Variants in CWC22 observed in about 807,000 individuals in gnomAD.
The protein encoded by CWC22 is CWC22 spliceosome associated protein.
A neutral mutation model predicts 117.2 loss-of-function variants in CWC22; 53 were observed. The ratio of observed to expected loss-of-function variants is 0.45; its 90% CI spans 0.36 to 0.57. The LOEUF is 0.57. Among genes scored for constraint, CWC22 ranks in the 20% least tolerant of loss-of-function variants. CWC22 has a pLI of 0.00. For missense variants in CWC22, 980 were observed against 1,068.8 expected (o/e 0.92, Z 1.16); for synonymous variants, 360 against 355.6 (o/e 1.01, Z -0.14).
chr2:179,952,525 TG>T lies in CWC22; in HGVS notation c.1762del (p.Gln588ArgfsTer16). On this transcript the variant is annotated frameshift_variant, in exon 17 of 20. Transcript: ENST00000410053. LOFTEE classifies it high-confidence loss of function. ...AAGACCCATGTATTCACACAGTTCC[TG>T]GAAAAATATTTTGACAAAAATTCTA... ...SSRIFVKIFF[Q>X]ELCEYMGLPK... 6.4e-7 allele frequency: 1 copy of T among 1,561,756 alleles called. No homozygotes were observed. Among genetic ancestry groups the T allele is most frequent in the Non-Finnish European group, 8.7e-7 (1 of 1,150,880 alleles).
chr2:179,958,106 A>G (rs4893885), intron 14 of CWC22, among the ~76,000 whole-genome samples: 151,414 of 152,050 alleles, frequency 1, 75,393 homozygotes, highest in Middle Eastern at 1. Flanking sequence ...CGAGGCAGGC[A>G]GATCACCTGA....
At chr2:179,999,372 CCTGTT>C (rs1368302541) in intron 1 of CWC22, among the ~76,000 whole-genome samples, 1 of 152,102 alleles carries the variant, frequency 6.6e-6, no homozygotes, top group Admixed American at 6.5e-5. Flanking sequence ...CAAAACCACA[CCTGTT>C]CTCCCGAAGA....
intron 5 of CWC22, 40 bp from the exon 6 acceptor site, chr2:179,978,358 A>T (rs1687203112): frequency 7.1e-7 from 1 of 1,413,188 alleles, no homozygotes; most frequent in Admixed American, 3.4e-5. Context: ...AAACTTAATT[A>T]CAATAATAAG....
intron 8 of CWC22, 44 bp from the exon 9 acceptor site, chr2:179,971,120 C>T (rs1001343669): frequency 7.8e-7 from 1 of 1,274,750 alleles, no homozygotes; most frequent in Admixed American, 3.0e-5. Context: ...AATGCTTTTA[C>T]ATACATTAAA....
chr2:180,005,427 A>G (rs1425368639), intron 1 of CWC22, among the ~76,000 whole-genome samples: 1 of 152,182 alleles, frequency 6.6e-6, no homozygotes, highest in African/African-American at 2.4e-5. Flanking sequence ...AATACAAAAA[A>G]TTAGCCAGGC....
intron 19 of CWC22, among the ~76,000 whole-genome samples, chr2:179,946,084 T>C (rs1369386695): frequency 2.0e-5 from 3 of 152,134 alleles, no homozygotes; most frequent in African/African-American, 7.2e-5. Context: ...GGTTTCTCCC[T>C]GTTGGTCAGG....
chr2:179,950,896 TA>T lies in CWC22; in HGVS notation c.1847del (p.Leu616TyrfsTer19). 6.3e-7 allele frequency: 1 copy of T among 1,579,068 alleles called. No individual in the cohort carries two copies. The highest frequency in any genetic ancestry group is 1.8e-5 in the Admixed American group (1 of 55,050). ...ETLQPFFEGL[L>X]PRDNPRNTRF... ...GAGTGTTTCTTGGATTATCTCGGGG[TA>T]ATAATCCTTCAAAGAATGGCTGCAG... On this transcript the variant is annotated frameshift_variant, in exon 18 of 20. Transcript: ENST00000410053. LOFTEE classifies it high-confidence loss of function.
intron 1 of CWC22, among the ~76,000 whole-genome samples, chr2:179,999,984 A>G (rs552635624): frequency 7.2e-5 from 11 of 152,200 alleles, no homozygotes; most frequent in Non-Finnish European, 1.5e-4. Flanking sequence ...CAAGCCCCCA[A>G]GGAACGGATT....
chr2:179,968,501 T>C (rs1265962209), intron 11 of CWC22, among the ~76,000 whole-genome samples: 1 of 151,222 alleles, frequency 6.6e-6, no homozygotes, highest in African/African-American at 2.4e-5. Context: ...TAAAATTTTA[T>C]AAAATATATA....
chr2:179,999,120 C>T (rs1405541915), intron 1 of CWC22, among the ~76,000 whole-genome samples: 1 of 152,130 alleles, frequency 6.6e-6, no homozygotes, highest in East Asian at 1.9e-4. Context: ...AAGTAGACTG[C>T]TATCATAGTT....
intron 14 of CWC22, 43 bp downstream of exon 14, chr2:179,958,979 A>C (rs760147472): frequency 7.2e-6 from 9 of 1,250,446 alleles, no homozygotes; most frequent in Non-Finnish European, 1.0e-5. Context: ...AACATTTTTA[A>C]AACCAATATA....
intron 11 of CWC22, among the ~76,000 whole-genome samples, chr2:179,966,204 A>G (rs1203439940): frequency 6.6e-6 from 1 of 152,204 alleles, no homozygotes; most frequent in Non-Finnish European, 1.5e-5. Context: ...CTGCCACATA[A>G]AAAGTGTCCA....
intron 14 of CWC22, among the ~76,000 whole-genome samples, chr2:179,957,889 C>A (rs1232924308): frequency 6.6e-6 from 1 of 151,656 alleles, no homozygotes; most frequent in Non-Finnish European, 1.5e-5. Flanking sequence ...TTAATCTGAT[C>A]TTTATTATCC....
chr2:180,006,143 TTTGC>T (rs1687966999), intron 1 of CWC22, among the ~76,000 whole-genome samples: 1 of 151,734 alleles, frequency 6.6e-6, no homozygotes, highest in South Asian at 2.1e-4. Context: ...GAGAACCAAG[TTTGC>T]TTGCTTATCT....
chr2:180,007,290 G>T lies in CWC22; in HGVS notation c.-537C>A, dbSNP rs1688006734. Reference sequence around the variant, plus strand: ...TTGTTGCCAAAATGGCGACAAAAAAGAGAAGTTGGCATGAACTACAAAGTC... The same window carrying T: ...TTGTTGCCAAAATGGCGACAAAAAATAGAAGTTGGCATGAACTACAAAGTC... On this transcript the variant is annotated 5_prime_UTR_variant, in exon 1 of 20. Coordinates refer to ENST00000410053, the MANE Select transcript of CWC22 (RefSeq NM_020943.3). Among the ~76,000 whole-genome samples the T allele has an allele frequency of 6.6e-6, 1 of 152,346 alleles. No homozygotes were observed. The highest frequency in any genetic ancestry group is 2.1e-4 in the South Asian group (1 of 4,830).
chr2:179,973,279 A>G lies in CWC22; in HGVS notation c.751-33T>C, dbSNP rs192427026. The G allele has an allele frequency of 1.2e-3, 1,762 of 1,520,952 alleles. 4 individuals are homozygous for G. Among genetic ancestry groups the G allele is most frequent in the Admixed American group, 2.7e-3 (144 of 53,764 alleles). 94.2% of individuals were successfully genotyped at this position (1,520,952 alleles called of 1,614,324 possible). A position where few individuals can be genotyped will look rare whatever the true frequency, so the allele number is the denominator to read the frequency against. On this transcript the variant is annotated intron_variant, in intron 7 of 19. Transcript: ENST00000410053. ...ATAAAGGTGGAAAGTTAACCTATAA[A>G]CTAAACCCAATTTTCATTTATTTAC...
chr2:179,972,571 C>A (rs933457291), intron 8 of CWC22, among the ~76,000 whole-genome samples: 1 of 152,128 alleles, frequency 6.6e-6, no homozygotes, highest in Admixed American at 6.5e-5. Flanking sequence ...GGAGGAGATA[C>A]CAACTTTATT....
At chr2:179,975,549 A>C (rs1687133733) in intron 6 of CWC22, among the ~76,000 whole-genome samples, 1 of 152,190 alleles carries the variant, frequency 6.6e-6, no homozygotes, top group Non-Finnish European at 1.5e-5. Flanking sequence ...TAACCAAAAA[A>C]TTGTTAGAAC....
At chr2:179,971,737 A>C (rs981496178) in intron 8 of CWC22, among the ~76,000 whole-genome samples, 2 of 152,212 alleles carry the variant, frequency 1.3e-5, no homozygotes, top group African/African-American at 4.8e-5. Flanking sequence ...GTTTGCTAAG[A>C]GAAGAAAACG....
Sources: allele counts gnomAD v4.1 joint callset (sites outside exome capture counted in the v4.1 genomes callset), GRCh38; gene constraint gnomAD v4.1.1; transcripts MANE v1.5; gene names NCBI Gene and HGNC (gene_info 2026-07-23, HGNC 2026-07-21).